PGR: variants seen among roughly 807,000 people sequenced by gnomAD.
PGR encodes the protein nuclear receptor subfamily 3 group C member 3.
In PGR, 25 loss-of-function variants were observed where a neutral mutation model predicts 76.1. The ratio of observed to expected loss-of-function variants is 0.33; its 90% CI spans 0.24 to 0.46. PGR has a LOEUF of 0.46. PGR is among the 20% of genes least tolerant of loss of function. The pLI, the probability that PGR is intolerant of heterozygous loss-of-function variation, is 1.00. For synonymous variants in PGR, 579 were observed against 535.0 expected, an observed-to-expected ratio of 1.08 and a Z score of -1.14; for missense variants, 1,172 against 1,225.3, an observed-to-expected ratio of 0.96 and a Z score of 0.65.
At chr11:101,049,798 G>T in intron 6 of PGR, 131 bp downstream of exon 6, 1 of 672,930 alleles carries the variant, frequency 1.5e-6, no homozygotes, top group East Asian at 2.9e-5. Context: ...ACAATATATT[G>T]GGTATTTCTT....
rs185210275 is a variant in PGR at position 101,045,916 on chromosome 11, C to G, written c.2489-3814G>C. Among the ~76,000 whole-genome samples, 26 of 152,070 alleles carry G rather than the reference C, an allele frequency of 1.7e-4. No homozygotes were observed. The East Asian group carries it at 5.0e-3, about 29-fold the overall frequency. Reference sequence around the variant, plus strand: ...ATATTTATAGTTTTTTGAGAAATCTCCATATGGTGTTCCATAGAGGCTGTA... The same window carrying G: ...ATATTTATAGTTTTTTGAGAAATCTGCATATGGTGTTCCATAGAGGCTGTA... On this transcript the variant is annotated intron_variant, in intron 6 of 7. Transcript: ENST00000325455.
intron 3 of PGR, among the ~76,000 whole-genome samples, chr11:101,076,086 A>G (rs534539774): frequency 6.6e-6 from 1 of 152,346 alleles, no homozygotes; most frequent in East Asian, 1.9e-4. Context: ...CATCAATGAT[A>G]GACTGGATAA....
intron 4 of PGR, among the ~76,000 whole-genome samples, chr11:101,053,629 T>G (rs1228913894): frequency 9.3e-6 from 1 of 107,432 alleles, no homozygotes; most frequent in Non-Finnish European, 2.1e-5. Flanking sequence ...CCTCCCCTTC[T>G]TCCTCCTTTC....
At chr11:101,124,798 C>T (rs528003746) in intron 2 of PGR, among the ~76,000 whole-genome samples, 2 of 152,216 alleles carry the variant, frequency 1.3e-5, no homozygotes, top group Admixed American at 6.5e-5. Context: ...TTCTCAAGTA[C>T]CACTTTTAAC....
At chr11:101,081,245 C>T (rs538809615) in intron 3 of PGR, among the ~76,000 whole-genome samples, 89 of 151,848 alleles carry the variant, frequency 5.9e-4, no homozygotes, top group African/African-American at 1.4e-3. Context: ...CTGGCCAAGA[C>T]GGTGAAACCC....
chr11:101,081,635 G>T (rs1861311553), intron 3 of PGR, among the ~76,000 whole-genome samples: 2 of 152,196 alleles, frequency 1.3e-5, no homozygotes, highest in South Asian at 4.1e-4. Context: ...TTTCAACCAA[G>T]AATTTCACAT....
chr11:101,074,537 G>C (rs1861057413), intron 3 of PGR, among the ~76,000 whole-genome samples: 1 of 152,132 alleles, frequency 6.6e-6, no homozygotes, highest in Non-Finnish European at 1.5e-5. Flanking sequence ...AAGTCAAACT[G>C]TGTCTTTTTG....
intron 2 of PGR, among the ~76,000 whole-genome samples, chr11:101,110,273 C>T (rs186369608): frequency 6.6e-6 from 1 of 152,294 alleles, no homozygotes. Context: ...GGGCAAAGTA[C>T]ATTGAAAATC....
chr11:101,051,340 T>C, intron 5 of PGR, 84 bp downstream of exon 5: 1 of 900,766 alleles, frequency 1.1e-6, no homozygotes, highest in South Asian at 1.4e-5. Flanking sequence ...ACACTAAATA[T>C]GTGATCATCT....
At chr11:101,076,039 T>C (rs750553613) in intron 3 of PGR, among the ~76,000 whole-genome samples, 215 of 152,288 alleles carry the variant, frequency 1.4e-3, no homozygotes, top group Middle Eastern at 3.4e-3. Flanking sequence ...TGCAGCACTA[T>C]TCACAATAGT....
chr11:101,082,306 A>T (rs1861339730), intron 3 of PGR, among the ~76,000 whole-genome samples: 1 of 152,208 alleles, frequency 6.6e-6, no homozygotes, highest in Non-Finnish European at 1.5e-5. Flanking sequence ...AGTTCTTTAT[A>T]ACAGTATGAG....
At position 101,051,639 on chromosome 11, in the gene PGR, T is replaced by G. The variant is rs145664012; in HGVS notation, c.2213-71A>C. ...TTATCTCAAAAATGTTGAAAATACA[T>G]ATAAATCTGAAAATAGGTATGCGTA... On this transcript the variant is annotated intron_variant, in intron 4 of 7. Transcript: ENST00000325455. 8.5e-5 allele frequency: 100 copies of G among 1,173,302 alleles called. No individual in the cohort carries two copies. In the African/African-American group the frequency reaches 1.3e-3, roughly 15 times the overall value. 72.7% of individuals were successfully genotyped at this position (1,173,302 alleles called of 1,614,324 possible).
chr11:101,032,514 C>A lies in PGR; in HGVS notation c.*6602G>T. ...ATCCCCACCCCACATTCTCTCTCCC[C>A]ATCAGGTTTGTGCAAATGTTGTTTG... On this transcript the variant is annotated 3_prime_UTR_variant, in exon 8 of 8. Coordinates refer to ENST00000325455, the MANE Select transcript of PGR (RefSeq NM_000926.4). 1 of 232,870 alleles carries A rather than the reference C, an allele frequency of 4.3e-6. No individual in the cohort carries two copies. 14.4% of individuals were successfully genotyped at this position (232,870 alleles called of 1,614,324 possible).
Position 101,035,587 on chromosome 11 carries a change from T to G in PGR, c.*3529A>C, listed in dbSNP as rs1224307250. 2 of 231,522 alleles carry G rather than the reference T, an allele frequency of 8.6e-6. No homozygotes were observed. The highest frequency in any genetic ancestry group is 1.7e-5 in the Non-Finnish European group (2 of 117,086). 14.3% of individuals were successfully genotyped at this position (231,522 alleles called of 1,614,324 possible). ...ATAGTAAAAATAATTTGAGCATGGG[T>G]TTTTGGAGGGGCTGTGTTCTAGTCA... On this transcript the variant is annotated 3_prime_UTR_variant, in exon 8 of 8. Coordinates refer to ENST00000325455, the MANE Select transcript of PGR (RefSeq NM_000926.4).
At chr11:101,122,931 T>C (rs777071642) in intron 2 of PGR, among the ~76,000 whole-genome samples, 1 of 152,208 alleles carries the variant, frequency 6.6e-6, no homozygotes, top group Non-Finnish European at 1.5e-5. Context: ...TCTTGCATTC[T>C]CCTTTAGGAT....
chr11:101,117,820 A>G (rs1266508347), intron 2 of PGR, among the ~76,000 whole-genome samples: 1 of 152,188 alleles, frequency 6.6e-6, no homozygotes, highest in Non-Finnish European at 1.5e-5. Flanking sequence ...CAGTACTACT[A>G]TTAATTGGGG....
intron 4 of PGR, among the ~76,000 whole-genome samples, chr11:101,055,069 A>G (rs1288995751): frequency 6.6e-6 from 1 of 152,134 alleles, no homozygotes; most frequent in African/African-American, 2.4e-5. Context: ...ATTTTCCAGA[A>G]TATATATTTT....
intron 3 of PGR, among the ~76,000 whole-genome samples, chr11:101,069,338 A>G (rs1054242255): frequency 6.6e-6 from 1 of 152,224 alleles, no homozygotes; most frequent in Non-Finnish European, 1.5e-5. Context: ...TAGAATGGCG[A>G]TCATTAAAAA....
At chr11:101,117,463 C>A (rs1439419823) in intron 2 of PGR, among the ~76,000 whole-genome samples, 1 of 151,664 alleles carries the variant, frequency 6.6e-6, no homozygotes, top group African/African-American at 2.4e-5. Flanking sequence ...GAATTTTTTG[C>A]CTTATATAAG....
Sources: allele counts gnomAD v4.1 joint callset (sites outside exome capture counted in the v4.1 genomes callset), GRCh38; gene constraint gnomAD v4.1.1; transcripts MANE v1.5; gene names NCBI Gene and HGNC (gene_info 2026-07-23, HGNC 2026-07-21).